Variants in RGS6 observed in about 807,000 individuals in gnomAD.
RGS6 encodes the protein regulator of G protein signaling 6.
RGS6 carries 30 observed loss-of-function variants against 78.5 expected under a neutral mutation model. The observed-to-expected ratio is 0.38, with a 90% CI of 0.29 to 0.52. The LOEUF (loss-of-function observed/expected upper bound fraction) is 0.52, where lower values mean the gene tolerates loss of function less well. RGS6 is among the 20% of genes least tolerant of loss of function. The probability of loss-of-function intolerance (pLI) is 0.85; values close to 1 mark genes in which losing one functional copy is unlikely to be tolerated. For missense variants in RGS6, 495 were observed against 609.7 expected (o/e 0.81, Z 1.98); for synonymous variants, 206 against 206.0 (o/e 1.00, Z 0.00).
At chr14:72,097,758 T>C (rs985904316) in intron 2 of RGS6, among the ~76,000 whole-genome samples, 2 of 152,108 alleles carry the variant, frequency 1.3e-5, no homozygotes, top group Admixed American at 6.6e-5. Context: ...CACCTCTTCT[T>C]GCTGGACAGG....
chr14:72,041,238 C>A (rs955196999), intron 2 of RGS6, among the ~76,000 whole-genome samples: 3 of 152,002 alleles, frequency 2.0e-5, no homozygotes, highest in African/African-American at 7.3e-5. Flanking sequence ...TAGGGGAAGA[C>A]CTTTACCAGT....
intron 2 of RGS6, among the ~76,000 whole-genome samples, chr14:72,230,408 C>T (rs956128344): frequency 2.0e-5 from 3 of 152,070 alleles, no homozygotes; most frequent in Admixed American, 1.3e-4. Context: ...TGTGAAAAGA[C>T]AGGAAGGCAG....
rs899477296 is a variant in RGS6 at position 72,115,659 on chromosome 14, C to T, written c.84+150784C>T. On this transcript the variant is annotated intron_variant, in intron 2 of 17. Coordinates refer to ENST00000553525, the MANE Select transcript of RGS6 (RefSeq NM_001204424.2). The stretch of plus-strand genomic sequence containing the variant: ...AAAGCCTCAACAGCCCCTGGCCCCC[C>T]ATCAACTTTCAAAGGCACCAATGCA... 2.6e-5 allele frequency among the ~76,000 whole-genome samples: 4 copies of T among 152,316 alleles called. No homozygotes were observed. In the South Asian group the frequency reaches 8.3e-4, roughly 32 times the overall value.
the RGS6 span, among the ~76,000 whole-genome samples, chr14:72,629,365 CTTAT>C: frequency 6.6e-6 from 1 of 152,182 alleles, no homozygotes; most frequent in Non-Finnish European, 1.5e-5. Context: ...AAATTTTGCA[CTTAT>C]TATATTTAAC....
intron 3 of RGS6, among the ~76,000 whole-genome samples, chr14:72,359,633 C>T (rs2081077614): frequency 6.6e-6 from 1 of 152,080 alleles, no homozygotes; most frequent in Admixed American, 6.5e-5. Context: ...TCCTAAAACA[C>T]AGGGTACTCC....
At chr14:72,558,214 G>A (rs558746603) in intron 17 of RGS6, among the ~76,000 whole-genome samples, 1 of 152,240 alleles carries the variant, frequency 6.6e-6, no homozygotes, top group African/African-American at 2.4e-5. Context: ...TGGCAGACTT[G>A]AGATCTGTAA....
intron 5 of RGS6, among the ~76,000 whole-genome samples, 174 bp from the exon 6 acceptor site, chr14:72,459,458 G>C (rs1240037959): frequency 6.6e-6 from 1 of 152,146 alleles, no homozygotes; most frequent in Non-Finnish European, 1.5e-5. Flanking sequence ...TCAATGCCTA[G>C]GTTAAAATGT....
intron 2 of RGS6, among the ~76,000 whole-genome samples, chr14:72,275,024 A>G (rs1474247564): frequency 6.6e-6 from 1 of 152,200 alleles, no homozygotes; most frequent in Admixed American, 6.6e-5. Context: ...CACCAGAGTG[A>G]AAGTTTGTCA....
intron 2 of RGS6, among the ~76,000 whole-genome samples, chr14:72,335,046 T>G (rs1173163598): frequency 6.9e-6 from 1 of 144,286 alleles, no homozygotes; most frequent in Non-Finnish European, 1.5e-5. Context: ...TGTACTGTTC[T>G]CATGATAGTG....
chr14:72,435,192 T>A (rs553776585), intron 3 of RGS6, among the ~76,000 whole-genome samples: 1 of 152,356 alleles, frequency 6.6e-6, no homozygotes, highest in East Asian at 1.9e-4. Flanking sequence ...TGAAGTTTTT[T>A]ATGCTAACTT....
intron 2 of RGS6, among the ~76,000 whole-genome samples, chr14:71,989,469 C>A (rs2094862360): frequency 6.6e-6 from 1 of 152,240 alleles, no homozygotes; most frequent in Non-Finnish European, 1.5e-5. Flanking sequence ...TTTATAATTT[C>A]TTCTAGCACT....
At chr14:72,241,993 A>G (rs1360779428) in intron 2 of RGS6, among the ~76,000 whole-genome samples, 1 of 152,262 alleles carries the variant, frequency 6.6e-6, no homozygotes, top group East Asian at 1.9e-4. Flanking sequence ...AACATCAAAT[A>G]GTGACCTATT....
chr14:71,920,671 C>T, the RGS6 span, among the ~76,000 whole-genome samples: 1 of 152,198 alleles, frequency 6.6e-6, no homozygotes, highest in African/African-American at 2.4e-5. Context: ...GGGGCAGTTA[C>T]CCTAAGAATA....
chr14:72,440,926 ATATG>A (rs1386164612), intron 3 of RGS6, among the ~76,000 whole-genome samples: 1 of 151,672 alleles, frequency 6.6e-6, no homozygotes, highest in African/African-American at 2.4e-5. Flanking sequence ...GTGGGTGTGA[ATATG>A]TGTGAGCGTT....
the RGS6 span, among the ~76,000 whole-genome samples, chr14:72,591,260 ATGAAG>A: frequency 4.6e-5 from 7 of 152,258 alleles, no homozygotes; most frequent in Non-Finnish European, 8.8e-5. Context: ...GATATCTGAA[ATGAAG>A]TGAAGGAAAC....
intron 2 of RGS6, among the ~76,000 whole-genome samples, chr14:72,138,259 A>T (rs1293932555): frequency 6.6e-6 from 1 of 152,128 alleles, no homozygotes. Flanking sequence ...ACCAGAATGC[A>T]AGTGTAAACT....
At position 72,097,117 on chromosome 14, in the gene RGS6, T is replaced by C. The variant is rs143421702; in HGVS notation, c.84+132242T>C. Among the ~76,000 whole-genome samples, 625 of 152,314 alleles carry C rather than the reference T, an allele frequency of 4.1e-3. 19 individuals carry two copies. The highest frequency in any genetic ancestry group is 0.032 in the Admixed American group (494 of 15,300). ...AGTTGAAATCTTCAGCTTTCTACCT[T>C]TGTATTGTCCTTTCAGAGCAAAAAG... On this transcript the variant is annotated intron_variant, in intron 2 of 17. Coordinates refer to ENST00000553525, the MANE Select transcript of RGS6 (RefSeq NM_001204424.2).
intron 2 of RGS6, among the ~76,000 whole-genome samples, chr14:72,151,080 A>T (rs1279162856): frequency 6.6e-6 from 1 of 152,224 alleles, no homozygotes; most frequent in African/African-American, 2.4e-5. Flanking sequence ...GTGCCTTCAT[A>T]CAACTACACT....
At chr14:72,291,875 C>T (rs1297190440) in intron 2 of RGS6, among the ~76,000 whole-genome samples, 1 of 152,138 alleles carries the variant, frequency 6.6e-6, no homozygotes, top group Non-Finnish European at 1.5e-5. Context: ...AGAACAGATG[C>T]TTTTTCTCCT....
Sources: gnomAD v4.1 joint callset for allele counts (sites outside exome capture counted in the v4.1 genomes callset) on GRCh38, gnomAD v4.1.1 for gene constraint, MANE v1.5 for transcripts, NCBI Gene and HGNC (gene_info 2026-07-23, HGNC 2026-07-21) for gene names.